The following SLC8A1 variants were observed in gnomAD, a reference collection of about 807,000 sequenced individuals.
SLC8A1 encodes the protein sodium/calcium exchanger 1.
Under a neutral mutation model 68.3 loss-of-function variants are expected in SLC8A1, and 18 were observed. The ratio of observed to expected loss-of-function variants is 0.26; its 90% CI spans 0.18 to 0.39. SLC8A1 has a LOEUF of 0.39. Ranked by LOEUF, SLC8A1 falls within the 10% of genes least tolerant of loss-of-function variation. The pLI, the probability that SLC8A1 is intolerant of heterozygous loss-of-function variation, is 1.00. For missense variants in SLC8A1, 985 were observed against 1,156.7 expected, an observed-to-expected ratio of 0.85 and a Z score of 2.15; for synonymous variants, 475 against 415.5, an observed-to-expected ratio of 1.14 and a Z score of -1.74.
At chr2:40,501,787 C>A (rs1706074338) in intron 1 of SLC8A1, among the ~76,000 whole-genome samples, 1 of 152,028 alleles carries the variant, frequency 6.6e-6, no homozygotes. Context: ...ATCTCATTTG[C>A]CACTTATGTG....
chr2:40,475,061 G>A (rs1704199290), intron 1 of SLC8A1, among the ~76,000 whole-genome samples: 1 of 152,126 alleles, frequency 6.6e-6, no homozygotes. Flanking sequence ...TCGATTTGTT[G>A]TAATCTCAAT....
At chr2:40,250,212 G>A (rs1342151158) in intron 2 of SLC8A1, 1 of 152,140 alleles carries the variant, frequency 6.6e-6, no homozygotes, top group East Asian at 1.9e-4. Context: ...TCAATACAGG[G>A]TAAAGAGAAC....
rs569024661 is a variant in SLC8A1, at chr2:40,411,729, G to A, written c.1808+16744C>T. Reference sequence around the variant, plus strand: ...TATTCATATAATGAAAACTTCTAACGCAAACCTTCACAAAAAAGCAAGAGT... The same window carrying A: ...TATTCATATAATGAAAACTTCTAACACAAACCTTCACAAAAAAGCAAGAGT... On this transcript the variant is annotated intron_variant, in intron 2 of 7. Coordinates refer to ENST00000406785, the Ensembl canonical transcript of SLC8A1. 2.6e-5 allele frequency among the ~76,000 whole-genome samples: 4 copies of A among 151,816 alleles called. No homozygotes were observed. The South Asian group carries it at 6.2e-4, about 24-fold the overall frequency.
intron 6 of SLC8A1, among the ~76,000 whole-genome samples, chr2:40,159,425 G>C (rs1213218573): frequency 6.6e-6 from 1 of 152,138 alleles, no homozygotes; most frequent in African/African-American, 2.4e-5. Context: ...GATTAGAAAT[G>C]GTTCAGTATA....
chr2:40,113,814 C>A (rs5547), exon 8 of SLC8A1: 1 of 152,664 alleles, frequency 6.6e-6, no homozygotes, highest in Non-Finnish European at 1.5e-5. Flanking sequence ...CCTTGGCCTT[C>A]CTGAATTAAT....
At chr2:40,244,419 T>G (rs1198289991) in intron 2 of SLC8A1, among the ~76,000 whole-genome samples, 1 of 151,880 alleles carries the variant, frequency 6.6e-6, no homozygotes, top group African/African-American at 2.4e-5. Flanking sequence ...AGGCTGGGAG[T>G]TGTCCGATGA....
At chr2:40,327,444 C>A (rs1048545568) in intron 2 of SLC8A1, among the ~76,000 whole-genome samples, 2 of 152,186 alleles carry the variant, frequency 1.3e-5, no homozygotes, top group Non-Finnish European at 2.9e-5. Context: ...ACACTTAATA[C>A]ATGTTGCCAA....
At chr2:40,408,022 A>G (rs992638100) in intron 2 of SLC8A1, among the ~76,000 whole-genome samples, 1 of 152,224 alleles carries the variant, frequency 6.6e-6, no homozygotes, top group African/African-American at 2.4e-5. Context: ...CCCATAAGTG[A>G]TAAAGTCACA....
chr2:40,171,047 C>T (rs2047404117), intron 4 of SLC8A1, among the ~76,000 whole-genome samples: 1 of 152,126 alleles, frequency 6.6e-6, no homozygotes, highest in South Asian at 2.1e-4. Context: ...GATTCACTTG[C>T]TATTTGCCTC....
At chr2:40,407,313 G>A (rs574688326) in intron 2 of SLC8A1, among the ~76,000 whole-genome samples, 80 of 152,254 alleles carry the variant, frequency 5.3e-4, no homozygotes, top group African/African-American at 1.3e-3. Context: ...TGATCTGCCC[G>A]CCTCGGCCTC....
At chr2:40,124,838 C>A (rs2037719161) in intron 7 of SLC8A1, among the ~76,000 whole-genome samples, 2 of 152,204 alleles carry the variant, frequency 1.3e-5, no homozygotes, top group South Asian at 4.1e-4. Flanking sequence ...ACATTCATGA[C>A]ACACTGCTTT....
chr2:40,476,493 A>G (rs980982759), intron 1 of SLC8A1, among the ~76,000 whole-genome samples: 13 of 152,238 alleles, frequency 8.5e-5, no homozygotes, highest in Admixed American at 4.6e-4. Flanking sequence ...GGGAAATAGA[A>G]TGACTGAGAG....
At chr2:40,476,898 T>A (rs1180165948) in intron 1 of SLC8A1, among the ~76,000 whole-genome samples, 1 of 152,186 alleles carries the variant, frequency 6.6e-6, no homozygotes, top group Non-Finnish European at 1.5e-5. Context: ...GTCTTGTTCT[T>A]TCCTTTATTT....
At chr2:40,431,535 C>G (rs375466210) in intron 1 of SLC8A1, among the ~76,000 whole-genome samples, 2 of 152,094 alleles carry the variant, frequency 1.3e-5, no homozygotes, top group African/African-American at 4.8e-5. Context: ...TCAGACCTTA[C>G]ATCCCTTCTG....
rs372060752 is a variant in SLC8A1 at position 40,249,293 on chromosome 2, T to C, written c.1809-71438A>G. On this transcript the variant is annotated intron_variant, in intron 2 of 7. Coordinates refer to ENST00000406785, the Ensembl canonical transcript of SLC8A1. Reference sequence around the variant, plus strand: ...TTGATCTAGAAATGCCTATCCGTTTTTGAGGTATATACTTTCAAAACCTTT... The same window carrying C: ...TTGATCTAGAAATGCCTATCCGTTTCTGAGGTATATACTTTCAAAACCTTT... Among the ~76,000 whole-genome samples the C allele has an allele frequency of 5.7e-4, 87 of 152,324 alleles. 1 individual carries two copies. In the Middle Eastern group the frequency reaches 0.017, roughly 30 times the overall value.
chr2:40,134,481 AT>A (rs2040105821), intron 7 of SLC8A1, among the ~76,000 whole-genome samples: 2 of 152,216 alleles, frequency 1.3e-5, no homozygotes, highest in Middle Eastern at 3.2e-3. Flanking sequence ...TACCAAAAAA[AT>A]ACCTTGCTCC....
chr2:40,332,195 G>C (rs954279317), intron 2 of SLC8A1, among the ~76,000 whole-genome samples: 8 of 152,062 alleles, frequency 5.3e-5, no homozygotes, highest in Admixed American at 6.5e-5. Flanking sequence ...TCTAAACTTT[G>C]AATGCCTTTC....
chr2:40,154,167 G>A (rs1211671793), intron 6 of SLC8A1, among the ~76,000 whole-genome samples: 1 of 152,008 alleles, frequency 6.6e-6, no homozygotes, highest in South Asian at 2.1e-4. Flanking sequence ...TTAACTTTGG[G>A]AAAAATGACA....
chr2:40,252,881 TTTTG>T (rs2063045605), intron 2 of SLC8A1, among the ~76,000 whole-genome samples: 1 of 130,606 alleles, frequency 7.7e-6, no homozygotes. Context: ...ATAATATATA[TTTTG>T]AGCCAAATTT....
Sources: allele counts gnomAD v4.1 joint callset (sites outside exome capture counted in the v4.1 genomes callset), GRCh38; gene constraint gnomAD v4.1.1; transcripts MANE v1.5; gene names NCBI Gene and HGNC (gene_info 2026-07-23, HGNC 2026-07-21).